The following TRIM9 variants were observed in gnomAD, a reference collection of about 807,000 sequenced individuals.
TRIM9 encodes the protein tripartite motif containing 9.
Under a neutral mutation model 78.3 loss-of-function variants are expected in TRIM9, and 26 were observed. The observed-to-expected ratio is 0.33, with a 90% CI of 0.24 to 0.46. The LOEUF is 0.46. TRIM9 is among the 20% of genes least tolerant of loss of function. The pLI, the probability that TRIM9 is intolerant of heterozygous loss-of-function variation, is 1.00. For synonymous variants in TRIM9, 398 were observed against 416.5 expected (o/e 0.96, Z 0.54); for missense variants, 787 against 1,036.4 (o/e 0.76, Z 3.30).
intron 1 of TRIM9, among the ~76,000 whole-genome samples, chr14:51,076,421 C>A (rs939196247): frequency 6.6e-6 from 1 of 152,174 alleles, no homozygotes; most frequent in Non-Finnish European, 1.5e-5. Context: ...GACTTTCCCT[C>A]GTTCCCAGGG....
chr14:50,979,664 A>C, intron 11 of TRIM9, 115 bp from the exon 12 acceptor site: 1 of 850,178 alleles, frequency 1.2e-6, no homozygotes, highest in Non-Finnish European at 1.9e-6. Flanking sequence ...CACTACCCCA[A>C]AACCGTTTCC....
intron 1 of TRIM9, among the ~76,000 whole-genome samples, chr14:51,073,291 C>A (rs2062458723): frequency 6.6e-6 from 1 of 152,250 alleles, no homozygotes; most frequent in Admixed American, 6.5e-5. Context: ...AGTGATTGCC[C>A]TCCTAGGGAT....
chr14:51,036,256 A>G (rs534258393), intron 1 of TRIM9, among the ~76,000 whole-genome samples: 1 of 152,310 alleles, frequency 6.6e-6, no homozygotes, highest in African/African-American at 2.4e-5. Context: ...TCAACTATGT[A>G]TTTACACCAT....
intron 1 of TRIM9, among the ~76,000 whole-genome samples, chr14:51,027,175 A>C (rs1596210724): frequency 5.1e-5 from 6 of 116,838 alleles, no homozygotes; most frequent in Admixed American, 2.6e-4. Flanking sequence ...ACAGAGTCTC[A>C]CTCTCTCACC....
chr14:50,996,745 C>T (rs981453607), intron 7 of TRIM9: 2 of 985,384 alleles, frequency 2.0e-6, no homozygotes, highest in Non-Finnish European at 2.4e-6. Context: ...AGAGAAGGTG[C>T]TAAAATGATA....
intron 10 of TRIM9, among the ~76,000 whole-genome samples, chr14:50,982,477 C>A (rs1034687906): frequency 6.6e-6 from 1 of 151,994 alleles, no homozygotes; most frequent in Non-Finnish European, 1.5e-5. Flanking sequence ...ACCCCTGAGG[C>A]GGGGAGGCTA....
intron 7 of TRIM9, chr14:50,996,355 C>T: frequency 1.0e-6 from 1 of 985,326 alleles, no homozygotes. Context: ...AATTAGACAC[C>T]ATAATCTTAT....
At chr14:51,053,642 ATTGTGCAGGTTAG>A (rs1164977882) in intron 1 of TRIM9, among the ~76,000 whole-genome samples, 1 of 122,362 alleles carries the variant, frequency 8.2e-6, no homozygotes, top group African/African-American at 3.3e-5. Context: ...ACATGTGCAC[ATTGTGCAGGTTAG>A]TTACATATGT....
At chr14:51,054,176 C>A (rs2060692438) in intron 1 of TRIM9, among the ~76,000 whole-genome samples, 2 of 152,350 alleles carry the variant, frequency 1.3e-5, no homozygotes, top group South Asian at 4.1e-4. Context: ...ATCCTCCCAC[C>A]TCAGTCTCCC....
At chr14:51,047,298 C>A (rs1029443714) in intron 1 of TRIM9, among the ~76,000 whole-genome samples, 2 of 152,162 alleles carry the variant, frequency 1.3e-5, no homozygotes, top group South Asian at 2.1e-4. Flanking sequence ...CCTTGACTTG[C>A]CCCACCCCAG....
intron 1 of TRIM9, among the ~76,000 whole-genome samples, chr14:51,052,579 C>T (rs1462922925): frequency 6.6e-6 from 1 of 152,166 alleles, no homozygotes; most frequent in African/African-American, 2.4e-5. Context: ...CACAGTCTGT[C>T]TGACATTTCA....
Position 50,979,473 on chromosome 14 carries a change from T to C in TRIM9, c.2239A>G (p.Ile747Val), listed in dbSNP as rs747641201. 1.2e-6 allele frequency: 2 copies of C among 1,614,202 alleles called. No homozygotes were observed. Among genetic ancestry groups the C allele is most frequent in the East Asian group, 4.5e-5 (2 of 44,870 alleles). ...DLNRKNLTFF[I>V]NDEQQGPIAF... ...ATGGGACCTTGTTGTTCATCGTTGA[T>C]AAAAAATGTCAAGTTTTTTCTATTT... Residue 747 changes from isoleucine (I) to valine (V), a missense_variant, in exon 12 of 13, where the codon ATC becomes GTC. Around this residue, in one of 3 missense-constraint regions of TRIM9, gnomAD observed 421 missense variants for 514.3 expected, o/e 0.82. Transcript: ENST00000684578.
chr14:51,014,759 A>T (rs959443797), intron 3 of TRIM9, among the ~76,000 whole-genome samples: 8 of 152,184 alleles, frequency 5.3e-5, no homozygotes, highest in African/African-American at 1.9e-4. Flanking sequence ...TTTCATAGAA[A>T]ATGATTCCTG....
intron 5 of TRIM9, among the ~76,000 whole-genome samples, chr14:51,007,947 T>A (rs2056052105): frequency 6.6e-6 from 1 of 152,178 alleles, no homozygotes; most frequent in South Asian, 2.1e-4. Context: ...CCTTATATAA[T>A]CTCTCTTTGA....
At chr14:51,074,371 A>C (rs1213333125) in intron 1 of TRIM9, among the ~76,000 whole-genome samples, 3 of 152,230 alleles carry the variant, frequency 2.0e-5, no homozygotes, top group Non-Finnish European at 2.9e-5. Context: ...AGAATTTGGC[A>C]TGTAAAATGA....
intron 1 of TRIM9, among the ~76,000 whole-genome samples, chr14:51,032,905 G>A (rs1282157259): frequency 3.3e-5 from 5 of 152,114 alleles, no homozygotes; most frequent in East Asian, 1.9e-4. Flanking sequence ...TCCTTTGAGC[G>A]TCTTGTCAGC....
At position 51,095,026 on chromosome 14, in the gene TRIM9, C is replaced by G. The variant is rs2064806583; in HGVS notation, c.-87G>C. On this transcript the variant is annotated 5_prime_UTR_variant, in exon 1 of 13. Coordinates refer to ENST00000684578, the MANE Select transcript of TRIM9 (RefSeq NM_001387360.1). Reference sequence around the variant, plus strand: ...CGACGGGCCCGTCTTGTCCAGCACCCTGGCCAGCGGCGGCGGCTGTGGTGG... The same window carrying G: ...CGACGGGCCCGTCTTGTCCAGCACCGTGGCCAGCGGCGGCGGCTGTGGTGG... 2 of 1,063,178 alleles carry G rather than the reference C, an allele frequency of 1.9e-6. No individual in the cohort carries two copies. The highest frequency in any genetic ancestry group is 3.6e-5 in the Admixed American group (1 of 27,538). 65.9% of individuals were successfully genotyped at this position (1,063,178 alleles called of 1,614,324 possible). A position where few individuals can be genotyped will look rare whatever the true frequency, so the allele number is the denominator to read the frequency against.
intron 1 of TRIM9, among the ~76,000 whole-genome samples, chr14:51,025,759 G>GAT (rs10633847): frequency 0.51 from 77,528 of 151,864 alleles, 20,916 homozygotes; most frequent in African/African-American, 0.68. Flanking sequence ...ATTGGTCTGG[G>GAT]TAGGGCAGAA....
intron 1 of TRIM9, among the ~76,000 whole-genome samples, chr14:51,048,490 G>C (rs1391295858): frequency 6.6e-6 from 1 of 152,226 alleles, no homozygotes; most frequent in African/African-American, 2.4e-5. Flanking sequence ...TCCTGAGTGT[G>C]TCCTAGTGAA....
Sources: allele counts gnomAD v4.1 joint callset (sites outside exome capture counted in the v4.1 genomes callset), GRCh38; gene constraint gnomAD v4.1.1; regional missense constraint gnomAD v4.1.1; transcripts MANE v1.5; gene names NCBI Gene and HGNC (gene_info 2026-07-23, HGNC 2026-07-21).